Variants in PCDHA11 observed in about 807,000 individuals in gnomAD.
The protein encoded by PCDHA11 is protocadherin alpha 11, also known as protocadherin alpha-11.
PCDHA11 carries 61 observed loss-of-function variants against 70.3 expected under a neutral mutation model. That is an observed-to-expected ratio of 0.87 (90% CI 0.71 to 1.07). The LOEUF is 1.07. PCDHA11 is among the 50% of genes least tolerant of loss of function. PCDHA11 has a pLI of 0.00. For synonymous variants in PCDHA11, 633 were observed against 555.1 expected, an observed-to-expected ratio of 1.14 and a Z score of -1.97; for missense variants, 1,324 against 1,237.5, an observed-to-expected ratio of 1.07 and a Z score of -1.05.
chr5:140,958,295 C>A (rs1405336220), intron 1 of PCDHA11, among the ~76,000 whole-genome samples: 1 of 151,884 alleles, frequency 6.6e-6, no homozygotes, highest in African/African-American at 2.4e-5. Context: ...TATTATTGAA[C>A]TTAATTAAAA....
intron 1 of PCDHA11, among the ~76,000 whole-genome samples, chr5:140,891,471 C>T (rs1239816606): frequency 6.6e-6 from 1 of 151,474 alleles, no homozygotes; most frequent in Non-Finnish European, 1.5e-5. Flanking sequence ...GAATTAATGC[C>T]TTTACATCAC....
Position 140,942,409 on chromosome 5 carries a change from T to TA in PCDHA11, c.2392-36528dup, listed in dbSNP as rs78736997. On this transcript the variant is annotated intron_variant, in intron 1 of 3. Coordinates refer to ENST00000398640, the MANE Select transcript of PCDHA11 (RefSeq NM_018902.5). Reference sequence around the variant, plus strand: ...CCTGGGCGACAGATGAGACTCTGTTTAAAAAAAAAAAAGATATCTAACAAT... The same window carrying TA: ...CCTGGGCGACAGATGAGACTCTGTTTAAAAAAAAAAAAAGATATCTAACAAT... Among the ~76,000 whole-genome samples, 1,256 of 143,596 alleles carry TA rather than the reference T, an allele frequency of 8.7e-3. 8 individuals are homozygous for TA. Among genetic ancestry groups the TA allele is most frequent in the African/African-American group, 0.03 (1,168 of 39,342 alleles). 94.2% of individuals were successfully genotyped at this position (143,596 alleles called of 152,430 possible).
At position 140,876,234 on chromosome 5, in the gene PCDHA11, T is replaced by C. The variant is rs1260556049; in HGVS notation, c.2391+4740T>C. 4 of 1,613,902 alleles carry C rather than the reference T, an allele frequency of 2.5e-6. No individual in the cohort carries two copies. In the South Asian group the frequency reaches 3.3e-5, roughly 13 times the overall value. On this transcript the variant is annotated intron_variant, in intron 1 of 3. Transcript: ENST00000398640. ...GCTATAAAGTAGTGTTGTCTGAAAA[T>C]GTCCAAAACGACACAAGAGTGATCC...
At chr5:140,925,800 C>T (rs1318763578) in intron 1 of PCDHA11, among the ~76,000 whole-genome samples, 5 of 152,070 alleles carry the variant, frequency 3.3e-5, no homozygotes, top group African/African-American at 1.2e-4. Context: ...AGTACTTTCC[C>T]CTCCACTTCT....
rs782629825 is a variant in PCDHA11 at position 140,870,053 on chromosome 5, T to C, written c.950T>C (p.Ile317Thr). The C allele has an allele frequency of 2.5e-6, 4 of 1,613,810 alleles. No homozygotes were observed. Among genetic ancestry groups the C allele is most frequent in the Middle Eastern group, 1.6e-4 (1 of 6,062 alleles). ...LDYEENKFYK[I>T]EVQATDKGTP... ...TATGAAGAAAACAAGTTTTATAAAA[T>C]TGAAGTACAGGCTACAGATAAGGGG... Residue 317 changes from isoleucine to threonine, a missense_variant, in exon 1 of 4, where the codon ATT becomes ACT. Coordinates refer to ENST00000398640, the MANE Select transcript of PCDHA11 (RefSeq NM_018902.5).
intron 1 of PCDHA11, among the ~76,000 whole-genome samples, chr5:140,950,042 T>C (rs2153688283): frequency 6.6e-6 from 1 of 152,082 alleles, no homozygotes; most frequent in South Asian, 2.1e-4. Flanking sequence ...GTTACAACCA[T>C]ATAAGACTAT....
chr5:140,954,433 T>C (rs1554221415), intron 1 of PCDHA11, among the ~76,000 whole-genome samples: 2 of 151,820 alleles, frequency 1.3e-5, no homozygotes, highest in African/African-American at 4.8e-5. Flanking sequence ...TCTCCATCTG[T>C]TGTTTCTGGA....
chr5:140,924,902 AAAATAAAAT>A (rs1211271652), intron 1 of PCDHA11, among the ~76,000 whole-genome samples: 3 of 39,024 alleles, frequency 7.7e-5, no homozygotes, highest in African/African-American at 2.3e-4. Context: ...CTCAAAAAAA[AAAATAAAAT>A]AAAATAAAAT....
chr5:140,963,207 CCT>C (rs1246984290), intron 1 of PCDHA11, among the ~76,000 whole-genome samples: 4 of 148,438 alleles, frequency 2.7e-5, no homozygotes, highest in East Asian at 1.9e-4. Flanking sequence ...AAAAAAAAAA[CCT>C]CGTGTTTAGA....
chr5:140,877,326 G>C (rs781931363), intron 1 of PCDHA11: 3 of 1,613,964 alleles, frequency 1.9e-6, no homozygotes. Flanking sequence ...CGGTCGGCGC[G>C]CACATCCCGT....
At chr5:140,910,067 G>A (rs868941459) in intron 1 of PCDHA11, among the ~76,000 whole-genome samples, 11 of 152,312 alleles carry the variant, frequency 7.2e-5, no homozygotes, top group Non-Finnish European at 1.3e-4. Context: ...TTTTAACAGC[G>A]TAAATTGTTG....
intron 1 of PCDHA11, chr5:140,967,098 G>C: frequency 6.2e-7 from 1 of 1,613,130 alleles, no homozygotes; most frequent in Non-Finnish European, 8.5e-7. Flanking sequence ...GAGGCGCTGT[G>C]TGAGCAGCGG....
At chr5:140,969,468 AT>A (rs1264391543) in intron 1 of PCDHA11, 1 of 1,486,422 alleles carries the variant, frequency 6.7e-7, no homozygotes, top group Non-Finnish European at 9.0e-7. Context: ...AGTATCCACA[AT>A]TTGATCATAA....
intron 3 of PCDHA11, among the ~76,000 whole-genome samples, chr5:140,987,213 C>CAA (rs58319157): frequency 8.4e-5 from 10 of 118,874 alleles, no homozygotes; most frequent in Non-Finnish European, 1.2e-4. Flanking sequence ...GACTCCATCT[C>CAA]AAAAAAAAAA....
intron 2 of PCDHA11, 93 bp downstream of exon 2, chr5:140,979,100 A>C (rs1325676942): frequency 6.5e-7 from 1 of 1,545,710 alleles, no homozygotes; most frequent in African/African-American, 1.4e-5. Context: ...CAGCTGTCAA[A>C]ACTAAAAAGC....
chr5:140,872,873 A>G (rs1419569928), intron 1 of PCDHA11, among the ~76,000 whole-genome samples: 1 of 152,204 alleles, frequency 6.6e-6, no homozygotes, highest in African/African-American at 2.4e-5. Flanking sequence ...GACAATTATC[A>G]GTTTCATTCA....
intron 3 of PCDHA11, among the ~76,000 whole-genome samples, chr5:140,999,505 A>T (rs1221080631): frequency 1.3e-5 from 2 of 152,134 alleles, no homozygotes; most frequent in African/African-American, 4.8e-5. Context: ...AAGAACCTAC[A>T]TTTTAAGCAT....
chr5:141,010,193 T>C lies in PCDHA11; in HGVS notation c.*256T>C, dbSNP rs782116962. Reference sequence around the variant, plus strand: ...CCTAAAAAGCAGACCCAAGTTTCCTTTCTCCTCCGCCGCAAAGGAGAGGCT... The same window carrying C: ...CCTAAAAAGCAGACCCAAGTTTCCTCTCTCCTCCGCCGCAAAGGAGAGGCT... On this transcript the variant is annotated 3_prime_UTR_variant, in exon 4 of 4. Transcript: ENST00000398640. 7.7e-6 allele frequency: 12 copies of C among 1,552,398 alleles called. No individual in the cohort carries two copies. The South Asian group carries it at 1.3e-4, about 17-fold the overall frequency.
chr5:140,912,612 A>T (rs1286245692), intron 1 of PCDHA11, among the ~76,000 whole-genome samples: 1 of 151,994 alleles, frequency 6.6e-6, no homozygotes, highest in South Asian at 2.1e-4. Context: ...CTCTTGTCTG[A>T]TTACTCTGGA....
Sources: allele counts gnomAD v4.1 joint callset (sites outside exome capture counted in the v4.1 genomes callset), GRCh38; gene constraint gnomAD v4.1.1; transcripts MANE v1.5; gene names NCBI Gene and HGNC (gene_info 2026-07-23, HGNC 2026-07-21).